The following CABIN1 variants were observed in gnomAD, a reference collection of about 807,000 sequenced individuals.
CABIN1 encodes the protein calcineurin-binding protein cabin-1.
In CABIN1, 133 loss-of-function variants were observed where a neutral mutation model predicts 227.7. The observed-to-expected ratio is 0.58, with a 90% confidence interval of 0.51 to 0.67. The LOEUF is 0.67. CABIN1 is among the 30% of genes least tolerant of loss of function. The pLI, the probability that CABIN1 is intolerant of heterozygous loss-of-function variation, is 0.00. For missense variants in CABIN1, 2,408 were observed against 2,852.5 expected, an observed-to-expected ratio of 0.84 and a Z score of 3.55; for synonymous variants, 1,086 against 1,155.1, an observed-to-expected ratio of 0.94 and a Z score of 1.21.
intron 26 of CABIN1, chr22:24,102,318 C>G (rs1258785448): frequency 2.0e-5 from 3 of 152,362 alleles, no homozygotes; most frequent in East Asian, 1.9e-4. Context: ...GGACTAAAAT[C>G]CTTGCTCTCT....
At chr22:24,164,334 A>G (rs2046324423) in intron 29 of CABIN1, 66 bp from the exon 30 acceptor site, 8 of 1,580,238 alleles carry the variant, frequency 5.1e-6, no homozygotes, top group Non-Finnish European at 6.9e-6. Flanking sequence ...GGGATACCAG[A>G]CAGGGTGTCC....
At chr22:24,158,199 G>C (rs953779129) in intron 29 of CABIN1, among the ~76,000 whole-genome samples, 1 of 152,138 alleles carries the variant, frequency 6.6e-6, no homozygotes, top group African/African-American at 2.4e-5. Context: ...ATCTTACCAC[G>C]GGCATACAGG....
chr22:24,160,628 G>A (rs1485132011), intron 29 of CABIN1, among the ~76,000 whole-genome samples: 1 of 152,244 alleles, frequency 6.6e-6, no homozygotes. Context: ...AGAAAAGAGA[G>A]CCCCTGCCCC....
chr22:24,132,872 G>A (rs2044157165), intron 28 of CABIN1, among the ~76,000 whole-genome samples: 1 of 152,222 alleles, frequency 6.6e-6, no homozygotes, highest in Non-Finnish European at 1.5e-5. Flanking sequence ...ACAGGCGTGA[G>A]CCACCGCGCC....
intron 19 of CABIN1, 101 bp downstream of exon 19, chr22:24,076,385 G>A (rs1417051203): frequency 4.3e-6 from 4 of 924,530 alleles, no homozygotes; most frequent in Admixed American, 1.9e-5. Flanking sequence ...CGCTGGGCTT[G>A]CTTGGCCTTC....
intron 1 of CABIN1, among the ~76,000 whole-genome samples, chr22:24,023,046 A>C (rs577519625): frequency 6.6e-6 from 1 of 152,348 alleles, no homozygotes; most frequent in African/African-American, 2.4e-5. Context: ...TTATCATACC[A>C]AACAGAAACT....
rs115808926 is a variant in CABIN1 at position 24,133,793 on chromosome 22, C to T, written c.4633-509C>T. On this transcript the variant is annotated intron_variant, in intron 28 of 36. Coordinates refer to ENST00000263119, the MANE Select transcript of CABIN1 (RefSeq NM_012295.4). Reference sequence around the variant, plus strand: ...GGCCCACACTCACCCTCTTACCCTACACCATTCTCCCCTGGGCCTGGATTC... The same window carrying T: ...GGCCCACACTCACCCTCTTACCCTATACCATTCTCCCCTGGGCCTGGATTC... 5.1e-3 allele frequency among the ~76,000 whole-genome samples: 770 copies of T among 152,342 alleles called. 9 individuals are homozygous for T. Among genetic ancestry groups the T allele is most frequent in the African/African-American group, 0.018 (739 of 41,586 alleles).
chr22:24,048,607 G>C (rs1354688018), intron 6 of CABIN1, among the ~76,000 whole-genome samples: 1 of 152,136 alleles, frequency 6.6e-6, no homozygotes, highest in Non-Finnish European at 1.5e-5. Context: ...TTTTTGTAGA[G>C]ATGGGGTTTC....
At chr22:24,021,743 T>C (rs2035742052) in intron 1 of CABIN1, among the ~76,000 whole-genome samples, 1 of 152,146 alleles carries the variant, frequency 6.6e-6, no homozygotes, top group Non-Finnish European at 1.5e-5. Flanking sequence ...CCTCACTCTG[T>C]TGCCCCAGGC....
intron 4 of CABIN1, 125 bp downstream of exon 4, chr22:24,038,586 A>C: frequency 1.4e-6 from 1 of 716,526 alleles, no homozygotes; most frequent in Non-Finnish European, 2.5e-6. Context: ...ACATTATTTC[A>C]CCTCTCTGCC....
At position 24,072,504 on chromosome 22, in the gene CABIN1, G is replaced by A; in HGVS notation, c.2626G>A (p.Glu876Lys). 6.2e-7 allele frequency: 1 copy of A among 1,614,194 alleles called. No homozygotes were observed. The highest frequency in any genetic ancestry group is 8.5e-7 in the Non-Finnish European group (1 of 1,180,034). ...CCAGCAGCAGCTCCAAAACCCAGCG[G>A]AGGAAGGTGCACAGGCAGTGGGTGC... The part of the protein sequence containing the change: ...CHQQQLQNPA[E>K]EGMSETPMLP... Residue 876 changes from glutamate to lysine, a missense_variant, in exon 18 of 37, where the codon GAG (glutamate) becomes AAG (lysine). This residue lies in a region of CABIN1 where 1,045 missense variants were observed against 1,168.4 expected (regional missense o/e 0.89). Coordinates refer to ENST00000263119, the MANE Select transcript of CABIN1 (RefSeq NM_012295.4).
chr22:24,165,614 C>T lies in CABIN1; in HGVS notation c.4995C>T (p.Ser1665=), dbSNP rs201868169. The T allele has an allele frequency of 3.8e-5, 61 of 1,612,438 alleles. No individual in the cohort carries two copies. In the African/African-American group the frequency reaches 6.5e-4, roughly 17 times the overall value. ...TGAAGGTGCTCGAAGACACGCTGAG[C>T]GAGCTCGCAGAGGTATGCCACCTGT... is the stretch of plus-strand genomic sequence containing the variant. ...LTVKVLEDTL[S]ELAEGSERPG... The change falls in exon 31 of 37, where the codon AGC becomes AGT. Residue 1665 remains serine (S), a synonymous_variant. Transcript: ENST00000263119.
chr22:24,157,760 C>T (rs2045922283), intron 29 of CABIN1, among the ~76,000 whole-genome samples: 1 of 152,196 alleles, frequency 6.6e-6, no homozygotes, highest in Admixed American at 6.5e-5. Context: ...ACAGCTGCTC[C>T]TGACCTCAGG....
chr22:24,020,531 C>G (rs1206807109), intron 1 of CABIN1, among the ~76,000 whole-genome samples: 1 of 151,964 alleles, frequency 6.6e-6, no homozygotes, highest in African/African-American at 2.4e-5. Context: ...CCTATGTTGC[C>G]CAGACTGGTC....
chr22:24,107,418 G>A (rs1602122925), intron 26 of CABIN1, among the ~76,000 whole-genome samples: 1 of 152,212 alleles, frequency 6.6e-6, no homozygotes, highest in East Asian at 1.9e-4. Flanking sequence ...CTCAGGAAGG[G>A]CCTGGCAAAG....
rs770618179 is a variant in CABIN1 at position 24,178,106 on chromosome 22, C to T, written c.6573C>T (p.Cys2191=). The change falls in exon 37 of 37, where the codon TGC becomes TGT. Residue 2191 remains cysteine, a synonymous_variant. Transcript: ENST00000263119. ...CCAACGTGAGGAAGGAGAGCCTATG[C>T]CAGCCAGCCCTGGAGGTCCTGGAGA... ...SAANVRKESL[C]QPALEVLETS... 23 of 1,613,722 alleles carry T rather than the reference C, an allele frequency of 1.4e-5. No individual in the cohort carries two copies. The highest frequency in any genetic ancestry group is 1.9e-5 in the Non-Finnish European group (23 of 1,179,980).
intron 33 of CABIN1, among the ~76,000 whole-genome samples, chr22:24,170,926 G>T (rs8136015): frequency 0.13 from 19,660 of 152,204 alleles, 1,533 homozygotes; most frequent in East Asian, 0.3. Context: ...GCTCAGCTGT[G>T]AGAGGCTGCC....
intron 19 of CABIN1, 96 bp from the exon 20 acceptor site, chr22:24,083,132 G>C (rs1270002078): frequency 3.2e-6 from 4 of 1,265,778 alleles, no homozygotes; most frequent in Non-Finnish European, 4.6e-6. Flanking sequence ...CAGGTTAAAA[G>C]AGTTGATAGA....
At chr22:24,174,033 CAG>C (rs1279841463) in intron 34 of CABIN1, among the ~76,000 whole-genome samples, 2 of 148,628 alleles carry the variant, frequency 1.3e-5, no homozygotes, top group African/African-American at 2.5e-5. Context: ...TTAGTGGAGA[CAG>C]GGTTTCCCCA....
Sources: gnomAD v4.1 joint callset for allele counts (sites outside exome capture counted in the v4.1 genomes callset) on GRCh38, gnomAD v4.1.1 for gene constraint, gnomAD v4.1.1 regional missense constraint, MANE v1.5 for transcripts, NCBI Gene and HGNC (gene_info 2026-07-23, HGNC 2026-07-21) for gene names.